Variants in C1orf105 observed in about 807,000 individuals in gnomAD.
C1orf105 encodes the protein uncharacterized protein C1orf105.
In C1orf105, 17 loss-of-function variants were observed where a neutral mutation model predicts 20.8. The ratio of observed to expected loss-of-function variants is 0.82; its 90% CI spans 0.56 to 1.23. C1orf105 has a LOEUF of 1.23. Among genes scored for constraint, C1orf105 ranks in the 50% most tolerant of loss-of-function variants. C1orf105 has a pLI of 0.00. For missense variants in C1orf105, 219 were observed against 213.5 expected (o/e 1.03, Z -0.16); for synonymous variants, 72 against 72.1 (o/e 1.00, Z 0.01).
At chr1:172,428,663 T>C (rs2071784606) in intron 1 of C1orf105, 1 of 544,926 alleles carries the variant, frequency 1.8e-6, no homozygotes. Flanking sequence ...CTGACCTCTT[T>C]ATTTAATGCT....
chr1:172,466,119 T>C (rs1264915848), intron 6 of C1orf105, among the ~76,000 whole-genome samples: 1 of 152,220 alleles, frequency 6.6e-6, no homozygotes, highest in Non-Finnish European at 1.5e-5. Context: ...AAAAATCTTT[T>C]ATCTTAAGAG....
At chr1:172,421,324 GA>G (rs951700840) in intron 1 of C1orf105, among the ~76,000 whole-genome samples, 1 of 150,882 alleles carries the variant, frequency 6.6e-6, no homozygotes, top group South Asian at 2.1e-4. Context: ...TGCTGAGAAA[GA>G]AAAAAAAACT....
intron 1 of C1orf105, among the ~76,000 whole-genome samples, chr1:172,441,237 C>A (rs1447128539): frequency 6.6e-6 from 1 of 152,128 alleles, no homozygotes; most frequent in Non-Finnish European, 1.5e-5. Flanking sequence ...GGTTAAGTAA[C>A]CAATTCTGTG....
At chr1:172,448,675 GC>G in intron 3 of C1orf105, 144 bp downstream of exon 3, 1 of 581,072 alleles carries the variant, frequency 1.7e-6, no homozygotes. Context: ...GAAATGAATG[GC>G]CCCACCCCCC....
At chr1:172,456,573 T>G (rs547078409) in intron 4 of C1orf105, 84 bp downstream of exon 4, 3 of 1,359,488 alleles carry the variant, frequency 2.2e-6, no homozygotes, top group South Asian at 2.4e-5. Context: ...TGGGGAGAGA[T>G]AGTGACGGGG....
At chr1:172,457,967 G>C (rs917093662) in intron 4 of C1orf105, among the ~76,000 whole-genome samples, 3 of 152,186 alleles carry the variant, frequency 2.0e-5, no homozygotes, top group African/African-American at 7.2e-5. Flanking sequence ...CAAGGGGAGG[G>C]ACTGCAGGTC....
At chr1:172,437,061 T>C (rs1160060228) in intron 1 of C1orf105, among the ~76,000 whole-genome samples, 2 of 152,168 alleles carry the variant, frequency 1.3e-5, no homozygotes, top group Admixed American at 1.3e-4. Context: ...CCAGTTAGAA[T>C]GGCAATCATT....
chr1:172,460,809 G>C (rs1177068386), intron 4 of C1orf105, among the ~76,000 whole-genome samples: 2 of 152,276 alleles, frequency 1.3e-5, no homozygotes, highest in South Asian at 4.1e-4. Context: ...CTTCCTTGAA[G>C]AAAAAGACTA....
intron 1 of C1orf105, chr1:172,441,695 C>T (rs767758085): frequency 1.3e-5 from 20 of 1,494,034 alleles, no homozygotes; most frequent in Admixed American, 4.5e-5. Context: ...GCTAATCTAT[C>T]AGCTTGCTTT....
At chr1:172,448,609 C>T (rs191230844) in intron 3 of C1orf105, 78 bp downstream of exon 3, 4 of 818,420 alleles carry the variant, frequency 4.9e-6, no homozygotes, top group Non-Finnish European at 6.4e-6. Context: ...GTCCCATCTC[C>T]TTAGCACAGC....
intron 1 of C1orf105, chr1:172,431,338 A>G (rs1397649634): frequency 1.3e-5 from 5 of 386,664 alleles, no homozygotes; most frequent in Non-Finnish European, 2.3e-5. Flanking sequence ...TAATACAGAT[A>G]AAGTTATAGT....
Position 172,468,681 on chromosome 1 carries a change from A to G in C1orf105, c.*87A>G, listed in dbSNP as rs1650245428. The G allele has an allele frequency of 7.2e-7, 1 of 1,389,630 alleles. No homozygotes were observed. The highest frequency in any genetic ancestry group is 9.8e-7 in the Non-Finnish European group (1 of 1,021,182). The allele number at this position is 1,389,630 out of a possible 1,614,324, so 86.1% of individuals were successfully genotyped here. ...TTGACACTGGCACCTTCTCCTCACA[A>G]TTTTCTCTCTTCTCCCAAAAGATGA... On this transcript the variant is annotated 3_prime_UTR_variant, in exon 7 of 7. Transcript: ENST00000367727.
chr1:172,445,035 G>A (rs1647817483), intron 1 of C1orf105, 38 bp from the exon 2 acceptor site: 4 of 1,521,188 alleles, frequency 2.6e-6, no homozygotes, highest in South Asian at 2.3e-5. Flanking sequence ...ATGTTTAAGT[G>A]TGATATATTC....
intron 4 of C1orf105, among the ~76,000 whole-genome samples, chr1:172,461,735 C>T (rs1463037333): frequency 3.9e-5 from 6 of 152,282 alleles, no homozygotes; most frequent in Non-Finnish European, 8.8e-5. Context: ...GGTCTATGCC[C>T]TCATGAAGCT....
At chr1:172,425,323 C>A (rs1217037823) in intron 1 of C1orf105, among the ~76,000 whole-genome samples, 1 of 152,154 alleles carries the variant, frequency 6.6e-6, no homozygotes, top group African/African-American at 2.4e-5. Flanking sequence ...TCCTGACTAC[C>A]CCACCTCTGG....
At chr1:172,451,984 TGCCTCAGCCTCCTGAGTA>T (rs1165167870) in intron 3 of C1orf105, among the ~76,000 whole-genome samples, 1 of 148,226 alleles carries the variant, frequency 6.7e-6, no homozygotes, top group Non-Finnish European at 1.5e-5. Flanking sequence ...GTGATTCTCC[TGCCTCAGCCTCCTGAGTA>T]GCTGGGATTA....
At chr1:172,457,876 T>C (rs1434998135) in intron 4 of C1orf105, among the ~76,000 whole-genome samples, 2 of 152,228 alleles carry the variant, frequency 1.3e-5, no homozygotes, top group African/African-American at 2.4e-5. Context: ...TGTCAGAACC[T>C]GGTGATAAAC....
chr1:172,435,431 C>G (rs1472921596), intron 1 of C1orf105, among the ~76,000 whole-genome samples: 1 of 152,128 alleles, frequency 6.6e-6, no homozygotes, highest in Non-Finnish European at 1.5e-5. Context: ...GGATGCAAGG[C>G]TGGTTCAACA....
intron 5 of C1orf105, among the ~76,000 whole-genome samples, chr1:172,463,425 G>A (rs1649832781): frequency 6.6e-6 from 1 of 152,126 alleles, no homozygotes; most frequent in African/African-American, 2.4e-5. Context: ...CTCAAATATA[G>A]ACCCAGATAC....
Sources: allele counts gnomAD v4.1 joint callset (sites outside exome capture counted in the v4.1 genomes callset), GRCh38; gene constraint gnomAD v4.1.1; transcripts MANE v1.5; gene names NCBI Gene and HGNC (gene_info 2026-07-23, HGNC 2026-07-21).